The following ZDHHC12 variants were observed in gnomAD, a reference collection of about 807,000 sequenced individuals.
ZDHHC12 encodes palmitoyltransferase ZDHHC12.
In ZDHHC12, 26 loss-of-function variants were observed where a neutral mutation model predicts 33.2. The ratio of observed to expected loss-of-function variants is 0.78; its 90% confidence interval spans 0.57 to 1.09. ZDHHC12 has a LOEUF of 1.09. Ranked by LOEUF, ZDHHC12 falls within the 50% of genes least tolerant of loss-of-function variation. ZDHHC12 has a pLI of 0.00. For missense variants in ZDHHC12, 350 were observed against 353.0 expected, an observed-to-expected ratio of 0.99 and a Z score of 0.07; for synonymous variants, 154 against 152.1, an observed-to-expected ratio of 1.01 and a Z score of -0.09.
chr9:128,722,579 A>G lies in ZDHHC12; in HGVS notation c.101-5T>C. On this transcript the variant is annotated splice_region_variant and splice_polypyrimidine_tract_variant and intron_variant, in intron 1 of 4. Coordinates refer to ENST00000372663, the MANE Select transcript of ZDHHC12 (RefSeq NM_032799.5). The surrounding 1 kb of genome is among the most constrained non-coding windows in gnomAD (Gnocchi z 4.2). ...GCTCCTCCCATTGCCGCAGCTCTGG[A>G]GAGGCCGGAGAGCACAGTGAGGCTG... 6.3e-7 allele frequency: 1 copy of G among 1,591,524 alleles called. No individual in the cohort carries two copies.
Position 128,722,015 on chromosome 9 carries a change from C to G in ZDHHC12, c.309G>C (p.Leu103=), listed in dbSNP as rs1198205626. The G allele has an allele frequency of 1.9e-6, 3 of 1,613,906 alleles. No individual in the cohort carries two copies. The African/African-American group carries it at 4.0e-5, about 22-fold the overall frequency. Residue 103 remains leucine (L), a synonymous_variant, in exon 3 of 5, where the codon CTG becomes CTC. Coordinates refer to ENST00000372663, the MANE Select transcript of ZDHHC12 (RefSeq NM_032799.5). The surrounding 1 kb of genome is among the most constrained non-coding windows in gnomAD (Gnocchi z 4.2). ...GTGTCCGTGCATCACTCACCAGCAC[C>G]AGGCAGTATCTGCAGCGCCGAAGAG... ...AIPLRRCRYC[L]VLQPLRARHC...
chr9:128,721,534 G>T lies in ZDHHC12; in HGVS notation c.483-32C>A. 1 of 1,590,718 alleles carries T rather than the reference G, an allele frequency of 6.3e-7. No homozygotes were observed. The highest frequency in any genetic ancestry group is 8.6e-7 in the Non-Finnish European group (1 of 1,166,934). ...TGCAGGGGACAGGGGCCTGGTGCTG[G>T]GGGAGGGCAGGGGAGCCCTTCCCTC... On this transcript the variant is annotated intron_variant, in intron 4 of 4. Transcript: ENST00000372663. The surrounding 1 kb of genome is among the most constrained non-coding windows in gnomAD (Gnocchi z 6.9).
chr9:128,721,490 C>T lies in ZDHHC12; in HGVS notation c.495G>A (p.Arg165=), dbSNP rs1862552042. 8.8e-6 allele frequency: 14 copies of T among 1,598,240 alleles called. No homozygotes were observed. Among genetic ancestry groups the T allele is most frequent in the South Asian group, 1.1e-5 (1 of 89,640 alleles). Residue 165 remains arginine, a synonymous_variant, in exon 5 of 5, where the codon CGG becomes CGA. Coordinates refer to ENST00000372663, the MANE Select transcript of ZDHHC12 (RefSeq NM_032799.5). The surrounding 1 kb of genome is among the most constrained non-coding windows in gnomAD (Gnocchi z 6.9). ...ACCACTGACCCCAGGGCTGGAAGAACCGGAGGCCTGACCTGCGGTGCAGGG... is the reference window on the plus strand; with the variant it reads ...ACCACTGACCCCAGGGCTGGAAGAATCGGAGGCCTGACCTGCGGTGCAGGG... The part of the protein sequence containing the change: ...WGLYLAWSGL[R]FFQPWGQWLR...
rs1862587575 is a variant in ZDHHC12, at chr9:128,722,284, G to A, written c.237+154C>T. Among the ~76,000 whole-genome samples, 1 of 152,078 alleles carries A rather than the reference G, an allele frequency of 6.6e-6. No homozygotes were observed. The highest frequency in any genetic ancestry group is 1.5e-5 in the Non-Finnish European group (1 of 67,992). On this transcript the variant is annotated intron_variant, in intron 2 of 4. Coordinates refer to ENST00000372663, the MANE Select transcript of ZDHHC12 (RefSeq NM_032799.5). This position sits in a 1 kb window ranked among gnomAD's most constrained non-coding sequence, Gnocchi z 4.2. ...TTTGCAAGTCTCTTCCTTCTCTGGG[G>A]CCCAGCAGTTTCCTCACTACTGTAG...
chr9:128,723,752 G>A lies in ZDHHC12; in HGVS notation c.100+242C>T. The stretch of plus-strand genomic sequence containing the variant: ...ATCTGGTGGGCACCGGCTGGGTCCT[G>A]GGATGGACAGGGCATTTGGCAATGA... On this transcript the variant is annotated intron_variant, in intron 1 of 4. Coordinates refer to ENST00000372663, the MANE Select transcript of ZDHHC12 (RefSeq NM_032799.5). This position sits in a 1 kb window ranked among gnomAD's most constrained non-coding sequence, Gnocchi z 4.4. 1 of 620,972 alleles carries A rather than the reference G, an allele frequency of 1.6e-6. No individual in the cohort carries two copies. Among genetic ancestry groups the A allele is most frequent in the Non-Finnish European group, 2.7e-6 (1 of 372,902 alleles). 38.5% of individuals were successfully genotyped at this position (620,972 alleles called of 1,614,324 possible).
chr9:128,723,031 C>G lies in ZDHHC12; in HGVS notation c.101-457G>C. ...AGGTCTGAAATGCCTGAGAGAGATACAGTGGGAAGGGTGCAGCTGGCAGGC... is the reference window on the plus strand; with the variant it reads ...AGGTCTGAAATGCCTGAGAGAGATAGAGTGGGAAGGGTGCAGCTGGCAGGC... On this transcript the variant is annotated intron_variant, in intron 1 of 4. Transcript: ENST00000372663. The surrounding 1 kb of genome is among the most constrained non-coding windows in gnomAD (Gnocchi z 4.4). The G allele has an allele frequency of 5.5e-6, 1 of 182,668 alleles. No homozygotes were observed. The highest frequency in any genetic ancestry group is 1.1e-5 in the Non-Finnish European group (1 of 87,850). The allele number at this position is 182,668 out of a possible 1,614,324, so 11.3% of individuals were successfully genotyped here. A position where few individuals can be genotyped will look rare whatever the true frequency, so the allele number is the denominator to read the frequency against.
rs1862649335 is a variant in ZDHHC12 at position 128,724,018 on chromosome 9, G to C, written c.76C>G (p.Leu26Val). 6.2e-7 allele frequency: 1 copy of C among 1,613,220 alleles called. No individual in the cohort carries two copies. The part of the protein sequence containing the change: ...GHTVLTWGIT[L>V]VLFLHDTELR... ...CCGGTATCGTGCAGGAAGAGCACCA[G>C]CGTGATTCCCCAGGTCAGCACGGTG... The change falls in exon 1 of 5, where the codon CTG becomes GTG. Residue 26 changes from leucine to valine, a missense_variant. Coordinates refer to ENST00000372663, the MANE Select transcript of ZDHHC12 (RefSeq NM_032799.5).
Position 128,721,662 on chromosome 9 carries a change from C to T in ZDHHC12, c.471G>A (p.Leu157=), listed in dbSNP as rs776551372. 6 of 1,613,744 alleles carry T rather than the reference C, an allele frequency of 3.7e-6. No individual in the cohort carries two copies. Among genetic ancestry groups the T allele is most frequent in the South Asian group, 1.1e-5 (1 of 91,074 alleles). Residue 157 remains leucine (L), a synonymous_variant, in exon 4 of 5, where the codon CTG becomes CTA. Coordinates refer to ENST00000372663, the MANE Select transcript of ZDHHC12 (RefSeq NM_032799.5). The surrounding 1 kb of genome is among the most constrained non-coding windows in gnomAD (Gnocchi z 6.9). The part of the protein sequence containing the change: ...ALQLVVLLWG[L]YLAWSGLRFF... ...GCAGCAGCACCCACCATGCCAGGTA[C>T]AGGCCCCACAGAAGCACCACCAGCT...
At position 128,723,946 on chromosome 9, in the gene ZDHHC12, A is replaced by C; in HGVS notation, c.100+48T>G. 2 of 1,586,968 alleles carry C rather than the reference A, an allele frequency of 1.3e-6. No individual in the cohort carries two copies. Among genetic ancestry groups the C allele is most frequent in the Non-Finnish European group, 1.7e-6 (2 of 1,166,322 alleles). On this transcript the variant is annotated intron_variant, in intron 1 of 4. Coordinates refer to ENST00000372663, the MANE Select transcript of ZDHHC12 (RefSeq NM_032799.5). The surrounding 1 kb of genome is among the most constrained non-coding windows in gnomAD (Gnocchi z 4.4). ...CCCAGTGTGACCAGAACGTCTGGGGAAGTACGCGGGATCGGGTGGGTCCGG... is the reference window on the plus strand; with the variant it reads ...CCCAGTGTGACCAGAACGTCTGGGGCAGTACGCGGGATCGGGTGGGTCCGG...
Position 128,721,191 on chromosome 9 carries a change from G to A in ZDHHC12, c.794C>T (p.Pro265Leu). Residue 265 changes from proline (P) to leucine (L), a missense_variant, in exon 5 of 5, where the codon CCA becomes CTA. Transcript: ENST00000372663. This position sits in a 1 kb window ranked among gnomAD's most constrained non-coding sequence, Gnocchi z 6.9. ...CGGCCTCCAGCAACCCTAAACAGCTGGGCTGCTGCCCTCTTCCTCCTCCTC... is the reference window on the plus strand; with the variant it reads ...CGGCCTCCAGCAACCCTAAACAGCTAGGCTGCTGCCCTCTTCCTCCTCCTC... ...WAEEEEEGSSPAV is the reference protein window; with the variant it reads ...WAEEEEEGSSLAV 15 of 1,580,854 alleles carry A rather than the reference G, an allele frequency of 9.5e-6. No individual in the cohort carries two copies. The highest frequency in any genetic ancestry group is 1.3e-5 in the Non-Finnish European group (15 of 1,166,488).
Position 128,721,081 on chromosome 9 carries a change from G to T in ZDHHC12, c.*100C>A. 2 of 1,227,130 alleles carry T rather than the reference G, an allele frequency of 1.6e-6. No homozygotes were observed. The highest frequency in any genetic ancestry group is 2.2e-6 in the Non-Finnish European group (2 of 909,304). 76.0% of individuals were successfully genotyped at this position (1,227,130 alleles called of 1,614,324 possible). On this transcript the variant is annotated 3_prime_UTR_variant, in exon 5 of 5. Coordinates refer to ENST00000372663, the MANE Select transcript of ZDHHC12 (RefSeq NM_032799.5). The surrounding 1 kb of genome is among the most constrained non-coding windows in gnomAD (Gnocchi z 6.9). Reference sequence around the variant, plus strand: ...CTCCGTTCTGGGGTCTGGGAGGCGTGGGCAGGAGTGAGGGCCCCAGGCCCT... The same window carrying T: ...CTCCGTTCTGGGGTCTGGGAGGCGTTGGCAGGAGTGAGGGCCCCAGGCCCT...
rs200048079 is a variant in ZDHHC12 at position 128,722,586 on chromosome 9, G to A, written c.101-12C>T. ...CCATTGCCGCAGCTCTGGAGAGGCCGGAGAGCACAGTGAGGCTGGGCCGGG... is the reference window on the plus strand; with the variant it reads ...CCATTGCCGCAGCTCTGGAGAGGCCAGAGAGCACAGTGAGGCTGGGCCGGG... On this transcript the variant is annotated splice_polypyrimidine_tract_variant and intron_variant, in intron 1 of 4. Coordinates refer to ENST00000372663, the MANE Select transcript of ZDHHC12 (RefSeq NM_032799.5). This position sits in a 1 kb window ranked among gnomAD's most constrained non-coding sequence, Gnocchi z 4.2. 10 of 1,590,590 alleles carry A rather than the reference G, an allele frequency of 6.3e-6. No homozygotes were observed. The highest frequency in any genetic ancestry group is 3.4e-5 in the South Asian group (3 of 87,486).
Position 128,721,898 on chromosome 9 carries a change from T to C in ZDHHC12, c.316-81A>G. 6.2e-7 allele frequency: 1 copy of C among 1,601,204 alleles called. No individual in the cohort carries two copies. The highest frequency in any genetic ancestry group is 8.5e-7 in the Non-Finnish European group (1 of 1,172,202). On this transcript the variant is annotated intron_variant, in intron 3 of 4. Transcript: ENST00000372663. The surrounding 1 kb of genome is among the most constrained non-coding windows in gnomAD (Gnocchi z 6.9). ...CTGAGGGAAGGAATCAGGGCCTGAT[T>C]CTGGAAGGCCTTCTTGGAGGAGGGG...
Position 128,721,507 on chromosome 9 carries a change from G to A in ZDHHC12, c.483-5C>T, listed in dbSNP as rs1260692138. ...TGGAAGAACCGGAGGCCTGACCTGC[G>A]GTGCAGGGGACAGGGGCCTGGTGCT... On this transcript the variant is annotated splice_region_variant and splice_polypyrimidine_tract_variant and intron_variant, in intron 4 of 4. Coordinates refer to ENST00000372663, the MANE Select transcript of ZDHHC12 (RefSeq NM_032799.5). The surrounding 1 kb of genome is among the most constrained non-coding windows in gnomAD (Gnocchi z 6.9). 8.1e-6 allele frequency: 13 copies of A among 1,601,604 alleles called. No individual in the cohort carries two copies. The highest frequency in any genetic ancestry group is 2.2e-5 in the South Asian group (2 of 90,114).
rs1300398521 is a variant in ZDHHC12 at position 128,721,706 on chromosome 9, CA to C, written c.426del (p.Phe142LeufsTer94). 1 of 1,613,940 alleles carries C rather than the reference CA, an allele frequency of 6.2e-7. No individual in the cohort carries two copies. The highest frequency in any genetic ancestry group is 8.5e-7 in the Non-Finnish European group (1 of 1,180,002). On this transcript the variant is annotated frameshift_variant, in exon 4 of 5. Coordinates refer to ENST00000372663, the MANE Select transcript of ZDHHC12 (RefSeq NM_032799.5). LOFTEE classifies it high-confidence loss of function. This position sits in a 1 kb window ranked among gnomAD's most constrained non-coding sequence, Gnocchi z 6.9. ...ACCAGCTGCAGCGCCAGGTAGACCACAAAGAGTGGGTGGTTGCGCTCTCCCA... is the reference window on the plus strand; with the variant it reads ...ACCAGCTGCAGCGCCAGGTAGACCACAAGAGTGGGTGGTTGCGCTCTCCCA... ...NCVGERNHPLFVVYLALQLVV... is the reference protein window; with the variant it reads ...NCVGERNHPLXVVYLALQLVV...
Position 128,723,696 on chromosome 9 carries a change from CA to C in ZDHHC12, c.100+297del, listed in dbSNP as rs1357490967. On this transcript the variant is annotated intron_variant, in intron 1 of 4. Transcript: ENST00000372663. This position sits in a 1 kb window ranked among gnomAD's most constrained non-coding sequence, Gnocchi z 4.4. The stretch of plus-strand genomic sequence containing the variant: ...GGAAGGATCATGTGGGTCCCAGGAT[CA>C]GGGGACATGGGGCTCAAGTCGGTCC... The C allele has an allele frequency of 8.2e-6, 4 of 484,996 alleles. No homozygotes were observed. In the Admixed American group the frequency reaches 1.5e-4, roughly 18 times the overall value. 30.0% of individuals were successfully genotyped at this position (484,996 alleles called of 1,614,324 possible).
Position 128,721,366 on chromosome 9 carries a change from T to C in ZDHHC12, c.619A>G (p.Ser207Gly). The C allele has an allele frequency of 6.3e-7, 1 of 1,586,350 alleles. No homozygotes were observed. The highest frequency in any genetic ancestry group is 8.6e-7 in the Non-Finnish European group (1 of 1,166,382). ...ATGAATTCCCAGGTGGTGGTGTTGC[T>C]GGCCACCAGGTAGAGGTGCGAGACG... is the stretch of plus-strand genomic sequence containing the variant. The part of the protein sequence containing the change: ...LLVSHLYLVA[S>G]NTTTWEFISS... The change falls in exon 5 of 5, where the codon AGC becomes GGC. Residue 207 changes from serine (S) to glycine (G), a missense_variant. Transcript: ENST00000372663. The surrounding 1 kb of genome is among the most constrained non-coding windows in gnomAD (Gnocchi z 6.9).
chr9:128,722,671 G>C lies in ZDHHC12; in HGVS notation c.101-97C>G. 1 of 1,518,198 alleles carries C rather than the reference G, an allele frequency of 6.6e-7. No homozygotes were observed. The highest frequency in any genetic ancestry group is 8.9e-7 in the Non-Finnish European group (1 of 1,128,602). 94.0% of individuals were successfully genotyped at this position (1,518,198 alleles called of 1,614,324 possible). ...GAGGTGGGGAAGTGTGTTCCTGGCTGAGCAAAGGCCTGGAGATGTTGGTTC... is the reference window on the plus strand; with the variant it reads ...GAGGTGGGGAAGTGTGTTCCTGGCTCAGCAAAGGCCTGGAGATGTTGGTTC... On this transcript the variant is annotated intron_variant, in intron 1 of 4. Coordinates refer to ENST00000372663, the MANE Select transcript of ZDHHC12 (RefSeq NM_032799.5). This position sits in a 1 kb window ranked among gnomAD's most constrained non-coding sequence, Gnocchi z 4.2.
rs1253115628 is a variant in ZDHHC12 at position 128,721,178 on chromosome 9, A to G, written c.*3T>C. 2 of 1,565,150 alleles carry G rather than the reference A, an allele frequency of 1.3e-6. No homozygotes were observed. The highest frequency in any genetic ancestry group is 1.3e-5 in the African/African-American group (1 of 74,298). Reference sequence around the variant, plus strand: ...CAAGACGGTAGCCCGGCCTCCAGCAACCCTAAACAGCTGGGCTGCTGCCCT... The same window carrying G: ...CAAGACGGTAGCCCGGCCTCCAGCAGCCCTAAACAGCTGGGCTGCTGCCCT... On this transcript the variant is annotated 3_prime_UTR_variant, in exon 5 of 5. Transcript: ENST00000372663. The surrounding 1 kb of genome is among the most constrained non-coding windows in gnomAD (Gnocchi z 6.9).
Sources: allele counts gnomAD v4.1 joint callset (sites outside exome capture counted in the v4.1 genomes callset), GRCh38; gene constraint gnomAD v4.1.1; non-coding constraint Gnocchi (gnomAD v3.1); transcripts MANE v1.5; gene names NCBI Gene and HGNC (gene_info 2026-07-23, HGNC 2026-07-21).